The following ABCA6 variants were observed in gnomAD, a reference collection of about 807,000 sequenced individuals.
The protein encoded by ABCA6 is ATP binding cassette subfamily A member 6.
A neutral mutation model predicts 191.2 loss-of-function variants in ABCA6; 164 were observed. That is an observed-to-expected ratio of 0.86 (90% CI 0.76 to 0.98). The LOEUF (loss-of-function observed/expected upper bound fraction) is 0.98, where lower values mean the gene tolerates loss of function less well. Among genes scored for constraint, ABCA6 ranks in the 50% least tolerant of loss-of-function variants. ABCA6 has a pLI of 0.00. For synonymous variants in ABCA6, 636 were observed against 647.7 expected (o/e 0.98, Z 0.27); for missense variants, 1,958 against 1,894.1 (o/e 1.03, Z -0.63).
intron 24 of ABCA6, 29 bp from the exon 25 acceptor site, chr17:69,096,382 C>A: frequency 2.5e-6 from 3 of 1,208,350 alleles, no homozygotes; most frequent in South Asian, 3.9e-5. Flanking sequence ...ATAACATAGT[C>A]AAAAAATCAA....
At position 69,105,849 on chromosome 17, in the gene ABCA6, G is replaced by A. The variant is rs994545021; in HGVS notation, c.2573+179C>T. Reference sequence around the variant, plus strand: ...CCATGAAAACAAAACACACCTGCACGTATAAGCTTAATCGAGTGTGAACAT... The same window carrying A: ...CCATGAAAACAAAACACACCTGCACATATAAGCTTAATCGAGTGTGAACAT... On this transcript the variant is annotated intron_variant, in intron 19 of 38. Coordinates refer to ENST00000284425, the MANE Select transcript of ABCA6 (RefSeq NM_080284.3). The A allele has an allele frequency of 2.4e-5, 18 of 762,646 alleles. No homozygotes were observed. The African/African-American group carries it at 2.6e-4, about 11-fold the overall frequency. The allele number at this position is 762,646 out of a possible 1,614,324, so 47.2% of individuals were successfully genotyped here.
chr17:69,129,334 A>G (rs1026585368), intron 7 of ABCA6, among the ~76,000 whole-genome samples: 7 of 152,200 alleles, frequency 4.6e-5, no homozygotes, highest in Non-Finnish European at 1.0e-4. Flanking sequence ...AATTATACAG[A>G]AAAGACTTTG....
intron 2 of ABCA6, among the ~76,000 whole-genome samples, chr17:69,139,185 C>A (rs1447832219): frequency 6.6e-6 from 1 of 152,032 alleles, no homozygotes; most frequent in East Asian, 1.9e-4. Context: ...GAAAATTTTC[C>A]CAACCTACTC....
chr17:69,109,930 A>G (rs1237503583), intron 17 of ABCA6: 1 of 152,196 alleles, frequency 6.6e-6, no homozygotes, highest in African/African-American at 2.4e-5. Flanking sequence ...ACAAGGAAAA[A>G]AAAAATCTTA....
At chr17:69,120,816 A>AGT (rs2073626417) in intron 10 of ABCA6, among the ~76,000 whole-genome samples, 2 of 152,096 alleles carry the variant, frequency 1.3e-5, no homozygotes, top group Non-Finnish European at 2.9e-5. Context: ...AGTTACAGGA[A>AGT]TGCACATATG....
Position 69,133,810 on chromosome 17 carries a change from T to C in ABCA6, c.622A>G (p.Lys208Glu). The C allele has an allele frequency of 3.7e-6, 6 of 1,613,130 alleles. No individual in the cohort carries two copies. Among genetic ancestry groups the C allele is most frequent in the Non-Finnish European group, 5.1e-6 (6 of 1,179,476 alleles). ...TTTTTAGTTATGAAAGGTAATGTCTTCATAGTTATAGCAGTAACTGACATC... is the reference window on the plus strand; with the variant it reads ...TTTTTAGTTATGAAAGGTAATGTCTCCATAGTTATAGCAGTAACTGACATC... ...ELMSVTAITM[K>E]TLPFITKNLL... Residue 208 changes from lysine to glutamate, a missense_variant, in exon 6 of 39, where the codon AAG (lysine) becomes GAG (glutamate). Coordinates refer to ENST00000284425, the MANE Select transcript of ABCA6 (RefSeq NM_080284.3).
At chr17:69,079,794 T>C (rs1225542523) in intron 37 of ABCA6, among the ~76,000 whole-genome samples, 1 of 152,174 alleles carries the variant, frequency 6.6e-6, no homozygotes, top group African/African-American at 2.4e-5. Context: ...GTCAAGAAAA[T>C]AGACAAGTAC....
At position 69,081,053 on chromosome 17, in the gene ABCA6, TG is replaced by T; in HGVS notation, c.4696+12del. 6.6e-7 allele frequency: 1 copy of T among 1,503,878 alleles called. No homozygotes were observed. The highest frequency in any genetic ancestry group is 9.1e-7 in the Non-Finnish European group (1 of 1,104,214). The allele number at this position is 1,503,878 out of a possible 1,614,324, so 93.2% of individuals were successfully genotyped here. On this transcript the variant is annotated intron_variant, in intron 37 of 38. Coordinates refer to ENST00000284425, the MANE Select transcript of ABCA6 (RefSeq NM_080284.3). Reference sequence around the variant, plus strand: ...ATTCTTCAAAAGATTTATTTGAATGTGGTCACTCTTACCTGCTTCTAATTTG... The same window carrying T: ...ATTCTTCAAAAGATTTATTTGAATGTGTCACTCTTACCTGCTTCTAATTTG...
At chr17:69,096,509 T>C (rs2073049233) in intron 24 of ABCA6, 119 bp downstream of exon 24, 4 of 911,144 alleles carry the variant, frequency 4.4e-6, no homozygotes, top group Non-Finnish European at 6.1e-6. Flanking sequence ...ACTTTGCATG[T>C]TTTTTGTTTT....
chr17:69,139,072 C>T (rs1290805024), intron 2 of ABCA6, among the ~76,000 whole-genome samples: 1 of 152,118 alleles, frequency 6.6e-6, no homozygotes, highest in Non-Finnish European at 1.5e-5. Context: ...AAAGCAATGG[C>T]AACAAAAGCT....
At chr17:69,105,382 C>A in intron 20 of ABCA6, 80 bp downstream of exon 20, 1 of 1,353,920 alleles carries the variant, frequency 7.4e-7, no homozygotes, top group Non-Finnish European at 1.0e-6. Context: ...TCTTATGATT[C>A]ACTTCCCCCC....
At chr17:69,085,416 T>A (rs537984839) in intron 31 of ABCA6, among the ~76,000 whole-genome samples, 1 of 150,406 alleles carries the variant, frequency 6.6e-6, no homozygotes. Flanking sequence ...GAGAAACTGA[T>A]GAGTAAAAGG....
chr17:69,125,102 A>C, intron 8 of ABCA6, 67 bp from the exon 9 acceptor site: 1 of 890,048 alleles, frequency 1.1e-6, no homozygotes, highest in Non-Finnish European at 1.5e-6. Context: ...TAGCAGGAAA[A>C]AGTATTAATT....
chr17:69,088,116 C>A, intron 28 of ABCA6, 51 bp downstream of exon 28: 1 of 1,453,110 alleles, frequency 6.9e-7, no homozygotes, highest in South Asian at 1.2e-5. Flanking sequence ...CAGACACCAT[C>A]TAGGAATGTT....
chr17:69,123,710 T>C (rs1011092437), intron 9 of ABCA6, among the ~76,000 whole-genome samples: 4 of 152,106 alleles, frequency 2.6e-5, no homozygotes, highest in Non-Finnish European at 5.9e-5. Context: ...ATTAGGTGTA[T>C]GACCAGCTGA....
rs778401017 is a variant in ABCA6, at chr17:69,107,681, T to C, written c.2389+15A>G. The C allele has an allele frequency of 1.3e-6, 2 of 1,517,850 alleles. No homozygotes were observed. Among genetic ancestry groups the C allele is most frequent in the East Asian group, 2.3e-5 (1 of 44,234 alleles). The allele number at this position is 1,517,850 out of a possible 1,614,324, so 94.0% of individuals were successfully genotyped here. A position where few individuals can be genotyped will look rare whatever the true frequency, so the allele number is the denominator to read the frequency against. ...TTGGGAATTGGTTTTCTGTGAATTATACAAATGGCTTTACCTTGTTCGATA... is the reference window on the plus strand; with the variant it reads ...TTGGGAATTGGTTTTCTGTGAATTACACAAATGGCTTTACCTTGTTCGATA... On this transcript the variant is annotated intron_variant, in intron 18 of 38. Coordinates refer to ENST00000284425, the MANE Select transcript of ABCA6 (RefSeq NM_080284.3).
At chr17:69,135,035 G>A (rs1055755234) in intron 4 of ABCA6, among the ~76,000 whole-genome samples, 2 of 151,664 alleles carry the variant, frequency 1.3e-5, no homozygotes, top group East Asian at 1.9e-4. Flanking sequence ...CACAGGCCAC[G>A]TTGTCTAGCT....
At chr17:69,082,440 A>G (rs2072661214) in intron 36 of ABCA6, among the ~76,000 whole-genome samples, 1 of 152,166 alleles carries the variant, frequency 6.6e-6, no homozygotes. Flanking sequence ...ATTCCATTAA[A>G]GAAAGACTCT....
intron 20 of ABCA6, chr17:69,104,293 G>A (rs2073243226): frequency 6.6e-6 from 1 of 152,080 alleles, no homozygotes; most frequent in Non-Finnish European, 1.5e-5. Context: ...CCTCAAGAGT[G>A]ACCAAAGAGG....
Sources: allele counts gnomAD v4.1 joint callset (sites outside exome capture counted in the v4.1 genomes callset), GRCh38; gene constraint gnomAD v4.1.1; transcripts MANE v1.5; gene names NCBI Gene and HGNC (gene_info 2026-07-23, HGNC 2026-07-21).